The following ASTN1 variants were observed in gnomAD, a reference collection of about 807,000 sequenced individuals.
The protein encoded by ASTN1 is astrotactin 1, also known as astrotactin-1.
Under a neutral mutation model 140.7 loss-of-function variants are expected in ASTN1, and 41 were observed. The observed-to-expected ratio is 0.29, with a 90% CI of 0.23 to 0.38. ASTN1 has a LOEUF of 0.38. Among genes scored for constraint, ASTN1 ranks in the 10% least tolerant of loss-of-function variants. The pLI is 1.00. For missense variants in ASTN1, 1,479 were observed against 1,678.8 expected, an observed-to-expected ratio of 0.88 and a Z score of 2.08; for synonymous variants, 640 against 652.2, an observed-to-expected ratio of 0.98 and a Z score of 0.29.
chr1:177,105,813 T>A (rs1033675410), intron 1 of ASTN1, among the ~76,000 whole-genome samples: 1 of 152,192 alleles, frequency 6.6e-6, no homozygotes, highest in South Asian at 2.1e-4. Flanking sequence ...TCTATTTTCA[T>A]GTCCATTTCA....
chr1:177,042,890 G>A (rs1235618669), intron 2 of ASTN1, among the ~76,000 whole-genome samples: 1 of 152,180 alleles, frequency 6.6e-6, no homozygotes, highest in Non-Finnish European at 1.5e-5. Context: ...AACTCTCAAG[G>A]TTATGCAAGT....
intron 1 of ASTN1, among the ~76,000 whole-genome samples, chr1:177,125,625 T>A (rs1218640549): frequency 6.6e-6 from 1 of 152,224 alleles, no homozygotes; most frequent in Non-Finnish European, 1.5e-5. Context: ...AAACACTGTA[T>A]TGGCTCAGAC....
At chr1:177,157,984 C>T (rs1420605360) in intron 1 of ASTN1, among the ~76,000 whole-genome samples, 1 of 152,148 alleles carries the variant, frequency 6.6e-6, no homozygotes, top group Non-Finnish European at 1.5e-5. Context: ...GAAGGTGCCA[C>T]CTTGTATATT....
chr1:177,050,411 A>G (rs533930722), intron 2 of ASTN1, among the ~76,000 whole-genome samples: 1 of 152,336 alleles, frequency 6.6e-6, no homozygotes, highest in African/African-American at 2.4e-5. Flanking sequence ...ACTGTCAGCC[A>G]TAGTACAACA....
At chr1:177,024,327 A>C (rs1045526567) in intron 6 of ASTN1, among the ~76,000 whole-genome samples, 1 of 152,208 alleles carries the variant, frequency 6.6e-6, no homozygotes, top group African/African-American at 2.4e-5. Flanking sequence ...TCTCAAAGAC[A>C]GAGACGTATT....
intron 1 of ASTN1, among the ~76,000 whole-genome samples, chr1:177,084,441 A>G (rs969014815): frequency 6.6e-6 from 1 of 152,196 alleles, no homozygotes; most frequent in East Asian, 1.9e-4. Flanking sequence ...ATATATTCTG[A>G]GCCTAATTAT....
rs913984277 is a variant in ASTN1, at chr1:176,994,950, G to A, written c.1523+19841C>T. Among the ~76,000 whole-genome samples, 4 of 152,210 alleles carry A rather than the reference G, an allele frequency of 2.6e-5. No homozygotes were observed. In the East Asian group the frequency reaches 7.7e-4, roughly 29 times the overall value. On this transcript the variant is annotated intron_variant, in intron 8 of 22. Transcript: ENST00000361833. The stretch of plus-strand genomic sequence containing the variant: ...TTTATTAAATGAATAAATGATGGAT[G>A]TATTCTACTACAGTAGTAGGTGGAA...
At chr1:176,958,566 C>A in intron 9 of ASTN1, 84 bp from the exon 10 acceptor site, 1 of 1,454,680 alleles carries the variant, frequency 6.9e-7, no homozygotes, top group Non-Finnish European at 9.1e-7. Context: ...ATTACCAGTG[C>A]TTTCTTCTCA....
intron 14 of ASTN1, among the ~76,000 whole-genome samples, chr1:176,938,476 A>G (rs1222478816): frequency 2.6e-5 from 4 of 152,250 alleles, no homozygotes; most frequent in Non-Finnish European, 5.9e-5. Flanking sequence ...CAGGAAAGGA[A>G]TCACAAAGCC....
chr1:177,080,657 G>A (rs1041971247), intron 1 of ASTN1, among the ~76,000 whole-genome samples: 1 of 152,180 alleles, frequency 6.6e-6, no homozygotes, highest in Non-Finnish European at 1.5e-5. Flanking sequence ...TTTGTTATTG[G>A]AGTCACAGAG....
chr1:177,100,634 T>A (rs1680255956), intron 1 of ASTN1, among the ~76,000 whole-genome samples: 1 of 152,154 alleles, frequency 6.6e-6, no homozygotes, highest in South Asian at 2.1e-4. Flanking sequence ...AAGGGTAAAC[T>A]AACTATTGTG....
intron 8 of ASTN1, among the ~76,000 whole-genome samples, chr1:176,982,958 G>T (rs932891571): frequency 6.6e-6 from 1 of 152,154 alleles, no homozygotes; most frequent in South Asian, 2.1e-4. Flanking sequence ...CTAAGAGGAG[G>T]CAGGGAAATC....
chr1:177,148,707 C>A (rs2102238716), intron 1 of ASTN1, among the ~76,000 whole-genome samples: 1 of 150,588 alleles, frequency 6.6e-6, no homozygotes, highest in Non-Finnish European at 1.5e-5. Context: ...TGGTGCATTA[C>A]CCAAGAAAAG....
intron 8 of ASTN1, among the ~76,000 whole-genome samples, chr1:176,998,612 A>C (rs1674567911): frequency 6.6e-6 from 1 of 152,160 alleles, no homozygotes; most frequent in African/African-American, 2.4e-5. Context: ...AAGAAGAAAA[A>C]TCAGAACACC....
chr1:176,930,450 A>G (rs1671158923), intron 16 of ASTN1, among the ~76,000 whole-genome samples: 1 of 152,184 alleles, frequency 6.6e-6, no homozygotes, highest in South Asian at 2.1e-4. Flanking sequence ...AGTAGGAGGG[A>G]GAGACTCACT....
intron 9 of ASTN1, among the ~76,000 whole-genome samples, chr1:176,960,593 C>T (rs1672617082): frequency 6.6e-6 from 1 of 152,158 alleles, no homozygotes; most frequent in African/African-American, 2.4e-5. Context: ...TCACATCTTC[C>T]ACCAACTTAA....
intron 20 of ASTN1, among the ~76,000 whole-genome samples, chr1:176,878,025 G>A (rs1273720414): frequency 1.3e-5 from 2 of 152,190 alleles, no homozygotes; most frequent in Non-Finnish European, 2.9e-5. Flanking sequence ...AATGGTCAGT[G>A]TGAGAGCCTG....
Position 176,863,719 on chromosome 1 carries a change from A to C in ASTN1, c.*565T>G. On this transcript the variant is annotated 3_prime_UTR_variant, in exon 23 of 23. Transcript: ENST00000361833. The stretch of plus-strand genomic sequence containing the variant: ...TTCGGGTATGGAAATAGTGATAGCA[A>C]GGCCTAGGAAGAAAACCAGGAGACA... 1 of 986,314 alleles carries C rather than the reference A, an allele frequency of 1.0e-6. No individual in the cohort carries two copies. Among genetic ancestry groups the C allele is most frequent in the Non-Finnish European group, 1.2e-6 (1 of 830,574 alleles). 61.1% of individuals were successfully genotyped at this position (986,314 alleles called of 1,614,324 possible).
At chr1:177,119,356 T>C (rs970662735) in intron 1 of ASTN1, among the ~76,000 whole-genome samples, 1 of 152,226 alleles carries the variant, frequency 6.6e-6, no homozygotes, top group African/African-American at 2.4e-5. Context: ...CACAGATTGT[T>C]ACATACCTCC....
Sources: gnomAD v4.1 joint callset for allele counts (sites outside exome capture counted in the v4.1 genomes callset) on GRCh38, gnomAD v4.1.1 for gene constraint, MANE v1.5 for transcripts, NCBI Gene and HGNC (gene_info 2026-07-23, HGNC 2026-07-21) for gene names.